Variants in GRID2 observed in about 807,000 individuals in gnomAD.
GRID2 encodes the protein glutamate ionotropic receptor delta type subunit 2, also known as glutamate receptor ionotropic, delta-2.
A neutral mutation model predicts 114.8 loss-of-function variants in GRID2; 33 were observed. The ratio of observed to expected loss-of-function variants is 0.29; its 90% CI spans 0.22 to 0.38. The LOEUF (loss-of-function observed/expected upper bound fraction) is 0.38. GRID2 is among the 10% of genes least tolerant of loss of function. GRID2 has a pLI of 1.00. For missense variants in GRID2, 1,184 were observed against 1,257.7 expected (o/e 0.94, Z 0.89); for synonymous variants, 505 against 449.9 (o/e 1.12, Z -1.55).
chr4:93,124,117 GA>G (rs67692016), intron 4 of GRID2, among the ~76,000 whole-genome samples: 15,052 of 143,744 alleles, frequency 0.1, 1,054 homozygotes, highest in Non-Finnish European at 0.15. Flanking sequence ...AAAAAAAAAA[GA>G]AAAAAAAAAA....
intron 13 of GRID2, among the ~76,000 whole-genome samples, chr4:93,533,156 CA>C (rs1258335276): frequency 4.6e-5 from 7 of 152,028 alleles, no homozygotes; most frequent in Non-Finnish European, 1.5e-5. Flanking sequence ...CACTTGATAG[CA>C]AATTCATTCT....
At chr4:92,712,431 G>T (rs774932841) in intron 2 of GRID2, among the ~76,000 whole-genome samples, 1 of 152,084 alleles carries the variant, frequency 6.6e-6, no homozygotes, top group African/African-American at 2.4e-5. Context: ...TATCACATTA[G>T]CACTTTTACC....
intron 2 of GRID2, among the ~76,000 whole-genome samples, chr4:93,045,268 C>T (rs1471163269): frequency 2.6e-5 from 4 of 152,044 alleles, no homozygotes; most frequent in African/African-American, 9.7e-5. Flanking sequence ...GGTCTATGTT[C>T]CCTCTTTATC....
chr4:92,609,782 T>G (rs552592553), intron 2 of GRID2, among the ~76,000 whole-genome samples: 1 of 151,708 alleles, frequency 6.6e-6, no homozygotes, highest in South Asian at 2.1e-4. Context: ...TTTCACACCC[T>G]GCCTTGTTTT....
At chr4:93,469,009 A>G (rs547140945) in intron 11 of GRID2, among the ~76,000 whole-genome samples, 6 of 152,250 alleles carry the variant, frequency 3.9e-5, no homozygotes, top group African/African-American at 1.4e-4. Context: ...AGATCTAGCC[A>G]TAATGTTTTC....
chr4:92,816,950 C>T (rs1302125569), intron 2 of GRID2, among the ~76,000 whole-genome samples: 1 of 152,112 alleles, frequency 6.6e-6, no homozygotes, highest in Non-Finnish European at 1.5e-5. Flanking sequence ...TACATAACTA[C>T]CTAGCTGCCC....
chr4:93,266,114 G>A (rs1185129671), intron 8 of GRID2, among the ~76,000 whole-genome samples: 2 of 152,030 alleles, frequency 1.3e-5, no homozygotes, highest in Non-Finnish European at 2.9e-5. Context: ...TTCATGTAAT[G>A]TGCACATCTT....
chr4:92,631,476 G>A (rs968658766), intron 2 of GRID2, among the ~76,000 whole-genome samples: 1 of 152,000 alleles, frequency 6.6e-6, no homozygotes, highest in Non-Finnish European at 1.5e-5. Context: ...ATGTACAAAT[G>A]ATACTTCTCT....
intron 2 of GRID2, among the ~76,000 whole-genome samples, chr4:92,913,420 A>T (rs1459730004): frequency 6.6e-6 from 1 of 151,878 alleles, no homozygotes; most frequent in African/African-American, 2.4e-5. Flanking sequence ...CATTTTTTCC[A>T]GATCTCCATC....
chr4:92,561,606 A>G (rs1727105396), intron 1 of GRID2, among the ~76,000 whole-genome samples: 1 of 152,170 alleles, frequency 6.6e-6, no homozygotes, highest in South Asian at 2.1e-4. Flanking sequence ...CTTGCACATG[A>G]TAGGTGTGGG....
chr4:92,494,193 A>G (rs1476907242), intron 1 of GRID2, among the ~76,000 whole-genome samples: 1 of 152,054 alleles, frequency 6.6e-6, no homozygotes, highest in Non-Finnish European at 1.5e-5. Context: ...TGATGTGAAC[A>G]TATATTTGTG....
At chr4:93,257,295 T>C (rs192887816) in intron 8 of GRID2, among the ~76,000 whole-genome samples, 1 of 151,914 alleles carries the variant, frequency 6.6e-6, no homozygotes, top group East Asian at 1.9e-4. Context: ...TATAGCAATT[T>C]AAAGATCATT....
chr4:92,430,052 G>A (rs935133714), intron 1 of GRID2, among the ~76,000 whole-genome samples: 1 of 152,224 alleles, frequency 6.6e-6, no homozygotes, highest in Middle Eastern at 3.4e-3. Flanking sequence ...CATTGTGTGA[G>A]TTGTCTCTTC....
intron 14 of GRID2, among the ~76,000 whole-genome samples, chr4:93,683,500 G>A (rs1326467815): frequency 6.6e-6 from 1 of 152,066 alleles, no homozygotes; most frequent in Non-Finnish European, 1.5e-5. Flanking sequence ...GTTCTTTCTT[G>A]AAATTGGTGT....
At chr4:93,221,281 G>T (rs531990009) in intron 6 of GRID2, among the ~76,000 whole-genome samples, 1 of 152,246 alleles carries the variant, frequency 6.6e-6, no homozygotes, top group Admixed American at 6.6e-5. Context: ...AGAGAACTAA[G>T]ATGATCAGCC....
In GRID2 at chr4:93,608,400, C is replaced by T. The variant is rs555137930; in HGVS notation, c.2194-17869C>T. ...TAGGTATACATGTGCCATGCTGGTG[C>T]GCTGCACCCACTAACGTGTCATCTA... On this transcript the variant is annotated intron_variant, in intron 13 of 15. Coordinates refer to ENST00000282020, the MANE Select transcript of GRID2 (RefSeq NM_001510.4). Among the ~76,000 whole-genome samples, 38 of 139,636 alleles carry T rather than the reference C, an allele frequency of 2.7e-4. 1 individual carries two copies. In the South Asian group the frequency reaches 5.8e-3, roughly 21 times the overall value. The allele number at this position is 139,636 out of a possible 152,430, so 91.6% of individuals were successfully genotyped here.
intron 8 of GRID2, among the ~76,000 whole-genome samples, chr4:93,329,975 G>C (rs926925791): frequency 6.6e-6 from 1 of 151,646 alleles, no homozygotes; most frequent in African/African-American, 2.4e-5. Flanking sequence ...TACATCTCCA[G>C]GGCAATTTAT....
chr4:92,900,034 T>G (rs1433095647), intron 2 of GRID2, among the ~76,000 whole-genome samples: 3 of 152,082 alleles, frequency 2.0e-5, no homozygotes, highest in African/African-American at 7.2e-5. Flanking sequence ...CTGATGACTT[T>G]CAGGACCAGC....
At chr4:92,577,294 G>A (rs1727940860) in intron 1 of GRID2, among the ~76,000 whole-genome samples, 1 of 152,130 alleles carries the variant, frequency 6.6e-6, no homozygotes, top group Non-Finnish European at 1.5e-5. Context: ...TACAGGGGAT[G>A]TCAGGGACCT....
Sources: allele counts gnomAD v4.1 joint callset (sites outside exome capture counted in the v4.1 genomes callset), GRCh38; gene constraint gnomAD v4.1.1; transcripts MANE v1.5; gene names NCBI Gene and HGNC (gene_info 2026-07-23, HGNC 2026-07-21).